TMEM108: variants seen among roughly 807,000 people sequenced by gnomAD.
TMEM108 encodes transmembrane protein 108.
In TMEM108, 12 loss-of-function variants were observed where a neutral mutation model predicts 35.1. The ratio of observed to expected loss-of-function variants is 0.34; its 90% CI spans 0.22 to 0.55. TMEM108 has a LOEUF of 0.55. Ranked by LOEUF, TMEM108 falls within the 20% of genes least tolerant of loss-of-function variation. The pLI, the probability that TMEM108 is intolerant of heterozygous loss-of-function variation, is 0.89. For synonymous variants in TMEM108, 287 were observed against 308.6 expected (o/e 0.93, Z 0.73); for missense variants, 680 against 753.3 (o/e 0.90, Z 1.14).
At chr3:133,097,292 G>A (rs1944026848) in intron 2 of TMEM108, among the ~76,000 whole-genome samples, 1 of 152,212 alleles carries the variant, frequency 6.6e-6, no homozygotes, top group African/African-American at 2.4e-5. Flanking sequence ...GATTTAAGGA[G>A]TAGACAAAAA....
At chr3:133,177,177 G>A (rs1276464928) in intron 2 of TMEM108, among the ~76,000 whole-genome samples, 3 of 152,148 alleles carry the variant, frequency 2.0e-5, no homozygotes, top group Admixed American at 2.0e-4. Flanking sequence ...ATAATAAATA[G>A]CTTACCAACC....
At position 133,052,114 on chromosome 3, in the gene TMEM108, A is replaced by G. The variant is rs555249372; in HGVS notation, c.-47+6094A>G. Among the ~76,000 whole-genome samples, 4 of 152,190 alleles carry G rather than the reference A, an allele frequency of 2.6e-5. No individual in the cohort carries two copies. The East Asian group carries it at 5.8e-4, about 22-fold the overall frequency. ...CTGATATCTTGACAATATTGAGTCT[A>G]TAATGATCATGGAATATCTATTTAG... is the stretch of plus-strand genomic sequence containing the variant. On this transcript the variant is annotated intron_variant, in intron 2 of 5. Coordinates refer to ENST00000321871, the MANE Select transcript of TMEM108 (RefSeq NM_023943.4).
intron 3 of TMEM108, among the ~76,000 whole-genome samples, chr3:133,359,505 A>T (rs2072279882): frequency 6.6e-6 from 1 of 152,138 alleles, no homozygotes; most frequent in African/African-American, 2.4e-5. Flanking sequence ...CATCTGTGTG[A>T]AAAGTAGGAG....
At chr3:133,170,917 A>G (rs1945121118) in intron 2 of TMEM108, among the ~76,000 whole-genome samples, 1 of 152,232 alleles carries the variant, frequency 6.6e-6, no homozygotes, top group Non-Finnish European at 1.5e-5. Context: ...TAAACCCCGT[A>G]TCACCCAGTC....
intron 2 of TMEM108, among the ~76,000 whole-genome samples, chr3:133,173,133 G>T (rs1186797607): frequency 2.0e-5 from 3 of 152,200 alleles, no homozygotes; most frequent in Non-Finnish European, 4.4e-5. Context: ...ATCAAATGCT[G>T]CTCAAGAAGG....
chr3:133,209,132 C>A (rs1559868961), intron 2 of TMEM108, among the ~76,000 whole-genome samples: 1 of 152,066 alleles, frequency 6.6e-6, no homozygotes, highest in Non-Finnish European at 1.5e-5. Context: ...AAACTTCAAA[C>A]TAGCTCAAGG....
chr3:133,040,745 A>G (rs893556400), intron 1 of TMEM108, among the ~76,000 whole-genome samples: 1 of 152,230 alleles, frequency 6.6e-6, no homozygotes, highest in Non-Finnish European at 1.5e-5. Context: ...TAGTCCATCT[A>G]GCAACGTACT....
At chr3:133,393,667 T>C (rs928668502) in intron 5 of TMEM108, among the ~76,000 whole-genome samples, 13 of 152,196 alleles carry the variant, frequency 8.5e-5, no homozygotes, top group African/African-American at 2.9e-4. Context: ...AGATCTGTTG[T>C]AGTAAGTGGA....
intron 1 of TMEM108, among the ~76,000 whole-genome samples, chr3:133,043,983 C>T (rs1390119413): frequency 2.0e-5 from 3 of 152,084 alleles, no homozygotes; most frequent in African/African-American, 7.2e-5. Context: ...TTTTGAAGAA[C>T]ATTTGCTTGA....
chr3:133,085,128 A>G (rs964534250), intron 2 of TMEM108, among the ~76,000 whole-genome samples: 1 of 152,180 alleles, frequency 6.6e-6, no homozygotes, highest in Non-Finnish European at 1.5e-5. Context: ...TTTAAATCTC[A>G]TCTCTGCAAA....
chr3:133,192,473 A>C (rs1012548630), intron 2 of TMEM108, among the ~76,000 whole-genome samples: 3 of 152,030 alleles, frequency 2.0e-5, no homozygotes, highest in African/African-American at 7.2e-5. Flanking sequence ...AAGAGTGTGG[A>C]GCCTAGGATA....
intron 2 of TMEM108, among the ~76,000 whole-genome samples, chr3:133,122,218 T>C (rs1475609340): frequency 6.6e-6 from 1 of 152,228 alleles, no homozygotes; most frequent in Non-Finnish European, 1.5e-5. Flanking sequence ...TTTTTGGGCT[T>C]ATTGTATAAT....
At chr3:133,087,521 T>C (rs1166255988) in intron 2 of TMEM108, among the ~76,000 whole-genome samples, 1 of 152,214 alleles carries the variant, frequency 6.6e-6, no homozygotes, top group Non-Finnish European at 1.5e-5. Flanking sequence ...TTGTTCTTTA[T>C]GCTGATCCTT....
chr3:133,085,230 T>G (rs1943866562), intron 2 of TMEM108, among the ~76,000 whole-genome samples: 1 of 152,192 alleles, frequency 6.6e-6, no homozygotes, highest in African/African-American at 2.4e-5. Context: ...TCTTGCCTCT[T>G]TATCTGAAAT....
At chr3:133,333,522 T>A (rs4854713) in intron 3 of TMEM108, among the ~76,000 whole-genome samples, 46,541 of 151,988 alleles carry the variant, frequency 0.31, 7,859 homozygotes, top group East Asian at 0.47. Context: ...GATGTGTGAA[T>A]CAAAAGTAGA....
intron 2 of TMEM108, among the ~76,000 whole-genome samples, chr3:133,224,782 A>G (rs1369932167): frequency 6.6e-6 from 1 of 152,186 alleles, no homozygotes; most frequent in African/African-American, 2.4e-5. Flanking sequence ...ATGAAAGCAG[A>G]CTAATACATA....
At chr3:133,309,453 T>G (rs1044766384) in intron 3 of TMEM108, among the ~76,000 whole-genome samples, 1 of 152,156 alleles carries the variant, frequency 6.6e-6, no homozygotes, top group African/African-American at 2.4e-5. Context: ...ATTGTGATGT[T>G]AGGGTGTCAA....
intron 2 of TMEM108, among the ~76,000 whole-genome samples, chr3:133,172,910 C>T (rs1476011852): frequency 6.6e-6 from 1 of 152,084 alleles, no homozygotes; most frequent in Non-Finnish European, 1.5e-5. Flanking sequence ...GGGGAGTTTC[C>T]CTCCACAAGC....
chr3:133,149,922 G>T (rs760676358), intron 2 of TMEM108, among the ~76,000 whole-genome samples: 14 of 151,930 alleles, frequency 9.2e-5, no homozygotes, highest in Admixed American at 2.0e-4. Context: ...TCATATCTTG[G>T]CTATTATGAA....
Sources: allele counts gnomAD v4.1 joint callset (sites outside exome capture counted in the v4.1 genomes callset), GRCh38; gene constraint gnomAD v4.1.1; transcripts MANE v1.5; gene names NCBI Gene and HGNC (gene_info 2026-07-23, HGNC 2026-07-21).